Variants in EFCAB13 observed in about 807,000 individuals in gnomAD.
EFCAB13 encodes the protein EF-hand calcium-binding domain-containing protein 13.
EFCAB13 carries 91 observed loss-of-function variants against 110.2 expected under a neutral mutation model. The ratio of observed to expected loss-of-function variants is 0.83; its 90% CI spans 0.70 to 0.98. The LOEUF (loss-of-function observed/expected upper bound fraction) is 0.98. EFCAB13 is among the 50% of genes least tolerant of loss of function. The probability of loss-of-function intolerance (pLI) is 0.00; values close to 1 mark genes in which losing one functional copy is unlikely to be tolerated. For synonymous variants in EFCAB13, 323 were observed against 369.9 expected, an observed-to-expected ratio of 0.87 and a Z score of 1.45; for missense variants, 968 against 1,119.4, an observed-to-expected ratio of 0.86 and a Z score of 1.93.
chr17:47,391,598 A>G lies in EFCAB13; in HGVS notation c.1726+18A>G. ...AGCTGGTGGTGAGTGATATATTTTC[A>G]GGCAAACTGCATTGACACATCTGGA... On this transcript the variant is annotated intron_variant, in intron 15 of 24. Coordinates refer to ENST00000331493, the MANE Select transcript of EFCAB13 (RefSeq NM_152347.5). 1 of 1,548,880 alleles carries G rather than the reference A, an allele frequency of 6.5e-7. No individual in the cohort carries two copies. The highest frequency in any genetic ancestry group is 8.7e-7 in the Non-Finnish European group (1 of 1,155,144).
At chr17:47,358,845 A>G (rs1218448782) in intron 9 of EFCAB13, among the ~76,000 whole-genome samples, 1 of 152,314 alleles carries the variant, frequency 6.6e-6, no homozygotes, top group Non-Finnish European at 1.5e-5. Context: ...AAATGCCACA[A>G]ACCTCACTGT....
intron 16 of EFCAB13, among the ~76,000 whole-genome samples, chr17:47,394,612 T>A (rs571007121): frequency 6.6e-6 from 1 of 152,312 alleles, no homozygotes; most frequent in East Asian, 1.9e-4. Flanking sequence ...AAGTGTAAGG[T>A]CACATGTGTA....
chr17:47,349,637 T>C (rs2065436931), intron 9 of EFCAB13, among the ~76,000 whole-genome samples: 1 of 152,164 alleles, frequency 6.6e-6, no homozygotes, highest in Non-Finnish European at 1.5e-5. Flanking sequence ...TATCTTATGT[T>C]CTTAGTGAGT....
At chr17:47,420,876 C>T (rs1356728481) in intron 23 of EFCAB13, among the ~76,000 whole-genome samples, 3 of 150,606 alleles carry the variant, frequency 2.0e-5, no homozygotes, top group Non-Finnish European at 4.4e-5. Flanking sequence ...GGGTCAGCCC[C>T]CCGCCCGGCC....
intron 23 of EFCAB13, among the ~76,000 whole-genome samples, chr17:47,425,419 T>C (rs1312043125): frequency 6.6e-6 from 1 of 152,176 alleles, no homozygotes; most frequent in Non-Finnish European, 1.5e-5. Flanking sequence ...GAAGGTGCTA[T>C]AGGTTATTGT....
At chr17:47,350,992 C>G (rs1358288647) in intron 9 of EFCAB13, among the ~76,000 whole-genome samples, 2 of 152,010 alleles carry the variant, frequency 1.3e-5, no homozygotes, top group African/African-American at 4.8e-5. Context: ...TAAAGTCTGG[C>G]TTTTAGTGTA....
chr17:47,400,870 G>A (rs1349099335), intron 17 of EFCAB13, among the ~76,000 whole-genome samples: 4 of 152,170 alleles, frequency 2.6e-5, no homozygotes, highest in Admixed American at 1.3e-4. Context: ...AATTAAGAGC[G>A]TCTTTATATA....
At chr17:47,379,379 C>A in intron 14 of EFCAB13, 126 bp downstream of exon 14, 1 of 641,490 alleles carries the variant, frequency 1.6e-6, no homozygotes. Context: ...TTAGGCAAGT[C>A]AGTTGCCAGT....
chr17:47,434,907 T>C (rs896551292), intron 24 of EFCAB13, among the ~76,000 whole-genome samples: 11 of 152,158 alleles, frequency 7.2e-5, no homozygotes, highest in African/African-American at 2.4e-4. Context: ...ATCAAAGACT[T>C]AAATCAAAGA....
Position 47,439,171 on chromosome 17 carries a change from GT to G in EFCAB13, c.2639-1236del, listed in dbSNP as rs71141908. Among the ~76,000 whole-genome samples, 156 of 73,892 alleles carry G rather than the reference GT, an allele frequency of 2.1e-3. 1 individual carries two copies. The highest frequency in any genetic ancestry group is 6.1e-3 in the African/African-American group (109 of 17,800). The allele number at this position is 73,892 out of a possible 152,430, so 48.5% of individuals were successfully genotyped here. ...GCCACCTGAGTTTCCTCTTTGTTTTGTTTTTTTTTTTTTTTTTTTTTTTTAG... is the reference window on the plus strand; with the variant it reads ...GCCACCTGAGTTTCCTCTTTGTTTTGTTTTTTTTTTTTTTTTTTTTTTTAG... On this transcript the variant is annotated intron_variant, in intron 24 of 24. Transcript: ENST00000331493.
rs2065575240 is a variant in EFCAB13 at position 47,370,441 on chromosome 17, C to A, written c.810C>A (p.Asn270Lys). The change falls in exon 11 of 25, where the codon AAC becomes AAA. Residue 270 changes from asparagine (N) to lysine (K), a missense_variant. Asn to Lys is a moderately conservative substitution (Grantham distance 94). Transcript: ENST00000331493. ...EVTKHTYIDS[N>K]HMVDIGDIIF... is the part of the protein sequence containing the mutation. ...TTTGAACTTATTCTATTACAGGTAACCACATGGTGGATATTGGGGATATTA... is the reference window on the plus strand; with the variant it reads ...TTTGAACTTATTCTATTACAGGTAAACACATGGTGGATATTGGGGATATTA... 6.3e-7 allele frequency: 1 copy of A among 1,589,370 alleles called. No individual in the cohort carries two copies. Among genetic ancestry groups the A allele is most frequent in the Non-Finnish European group, 8.6e-7 (1 of 1,158,032 alleles).
chr17:47,407,875 T>G (rs1193995937), intron 20 of EFCAB13, among the ~76,000 whole-genome samples: 1 of 152,210 alleles, frequency 6.6e-6, no homozygotes, highest in African/African-American at 2.4e-5. Flanking sequence ...CAAGTATTAT[T>G]TAAGTCTTAA....
chr17:47,430,229 C>T, intron 24 of EFCAB13: 1 of 1,058,350 alleles, frequency 9.4e-7, no homozygotes, highest in Non-Finnish European at 1.1e-6. Flanking sequence ...CTGACATGCA[C>T]AGTGGTCAAT....
At position 47,440,573 on chromosome 17, in the gene EFCAB13, A is replaced by C; in HGVS notation, c.2781A>C (p.Thr927=). 2 of 1,613,390 alleles carry C rather than the reference A, an allele frequency of 1.2e-6. No individual in the cohort carries two copies. Among genetic ancestry groups the C allele is most frequent in the Non-Finnish European group, 1.7e-6 (2 of 1,179,648 alleles). ...ERQAVVYMLK[T]IQDSIVKAQV... is the part of the protein sequence containing the mutation. ...AAGCAGTGGTTTACATGTTAAAAAC[A>C]ATACAGGATTCGATAGTTAAAGCAC... Residue 927 remains threonine (T), a synonymous_variant, in exon 25 of 25, where the codon ACA becomes ACC. Coordinates refer to ENST00000331493, the MANE Select transcript of EFCAB13 (RefSeq NM_152347.5).
At chr17:47,327,521 G>C (rs571555597) in intron 3 of EFCAB13, among the ~76,000 whole-genome samples, 1 of 151,044 alleles carries the variant, frequency 6.6e-6, no homozygotes, top group Non-Finnish European at 1.5e-5. Context: ...GCAGTGGTGC[G>C]ATCTTGGCTC....
chr17:47,398,866 TAAATA>T (rs1169759631), intron 17 of EFCAB13, among the ~76,000 whole-genome samples: 2 of 152,050 alleles, frequency 1.3e-5, no homozygotes, highest in Admixed American at 6.5e-5. Context: ...AATAAATAAA[TAAATA>T]AAATAACTAG....
chr17:47,391,135 C>G (rs956491716), intron 14 of EFCAB13, among the ~76,000 whole-genome samples: 9 of 152,016 alleles, frequency 5.9e-5, no homozygotes, highest in African/African-American at 2.2e-4. Flanking sequence ...AGACAGGGGT[C>G]TTGCTTTGTT....
chr17:47,367,496 C>T (rs1239089395), intron 10 of EFCAB13, among the ~76,000 whole-genome samples: 1 of 152,182 alleles, frequency 6.6e-6, no homozygotes, highest in African/African-American at 2.4e-5. Flanking sequence ...ACGTAGGACG[C>T]CGGCAGAGAA....
chr17:47,349,868 G>A (rs941137794), intron 9 of EFCAB13, among the ~76,000 whole-genome samples: 3 of 149,118 alleles, frequency 2.0e-5, no homozygotes, highest in Admixed American at 1.4e-4. Flanking sequence ...TCCGCTTCCC[G>A]GGTTCACGCC....
Sources: gnomAD v4.1 joint callset for allele counts (sites outside exome capture counted in the v4.1 genomes callset) on GRCh38, gnomAD v4.1.1 for gene constraint, MANE v1.5 for transcripts, NCBI Gene and HGNC (gene_info 2026-07-23, HGNC 2026-07-21) for gene names.